Variants in CTIF observed in about 807,000 individuals in gnomAD.
CTIF encodes cap binding complex dependent translation initiation factor.
A neutral mutation model predicts 66.0 loss-of-function variants in CTIF; 21 were observed. The ratio of observed to expected loss-of-function variants is 0.32; its 90% CI spans 0.23 to 0.46. The LOEUF (loss-of-function observed/expected upper bound fraction) is 0.46. Among genes scored for constraint, CTIF ranks in the 20% least tolerant of loss-of-function variants. The pLI is 1.00. For synonymous variants in CTIF, 345 were observed against 326.4 expected (o/e 1.06, Z -0.62); for missense variants, 739 against 812.7 (o/e 0.91, Z 1.10).
chr18:48,835,563 C>A (rs2068790388), intron 10 of CTIF, among the ~76,000 whole-genome samples: 1 of 152,176 alleles, frequency 6.6e-6, no homozygotes, highest in South Asian at 2.1e-4. Context: ...GGGATCCATG[C>A]TCCCAAGAAA....
At chr18:48,675,975 C>A in intron 6 of CTIF, among the ~76,000 whole-genome samples, 1 of 152,170 alleles carries the variant, frequency 6.6e-6, no homozygotes, top group East Asian at 1.9e-4. Context: ...GGGATGAAAT[C>A]CGAATTGCAT....
chr18:48,622,127 G>A (rs2090506160), intron 2 of CTIF, among the ~76,000 whole-genome samples: 1 of 152,212 alleles, frequency 6.6e-6, no homozygotes, highest in African/African-American at 2.4e-5. Context: ...GCACAGGAGT[G>A]ATGATGGTGA....
At chr18:48,628,534 A>G (rs1274054318) in intron 2 of CTIF, among the ~76,000 whole-genome samples, 3 of 152,230 alleles carry the variant, frequency 2.0e-5, no homozygotes, top group Non-Finnish European at 4.4e-5. Context: ...GAGGCCACAC[A>G]GCAAGTACAT....
chr18:48,702,295 C>G (rs948198760), intron 6 of CTIF, among the ~76,000 whole-genome samples: 1 of 152,168 alleles, frequency 6.6e-6, no homozygotes, highest in African/African-American at 2.4e-5. Context: ...CCTCTGGAAC[C>G]GCAGTGCTGT....
intron 1 of CTIF, among the ~76,000 whole-genome samples, chr18:48,540,779 G>A (rs990274470): frequency 6.6e-6 from 1 of 152,102 alleles, no homozygotes. Flanking sequence ...ACAAGCGTGG[G>A]CCCCGATCCT....
intron 6 of CTIF, among the ~76,000 whole-genome samples, chr18:48,676,040 A>G (rs546574145): frequency 6.6e-6 from 1 of 151,704 alleles, no homozygotes; most frequent in Non-Finnish European, 1.5e-5. Context: ...CTCCCCCAGG[A>G]CCCCTTTACT....
intron 2 of CTIF, among the ~76,000 whole-genome samples, chr18:48,631,920 G>A (rs1197932263): frequency 2.0e-5 from 3 of 152,184 alleles, no homozygotes; most frequent in East Asian, 1.9e-4. Flanking sequence ...ACTGAGGAGC[G>A]GGTCTGGAGA....
In CTIF at chr18:48,813,453, A is replaced by T. The variant is rs112166015; in HGVS notation, c.1372-3768A>T. On this transcript the variant is annotated intron_variant, in intron 9 of 11. Coordinates refer to ENST00000256413, the MANE Select transcript of CTIF (RefSeq NM_014772.3). The stretch of plus-strand genomic sequence containing the variant: ...GGCAGGATTTTTGTGTAGATGCCAT[A>T]TTGCTCTGCGCCTCCCTCAATCCTG... Among the ~76,000 whole-genome samples, 3 of 152,076 alleles carry T rather than the reference A, an allele frequency of 2.0e-5. 1 individual carries two copies. Among genetic ancestry groups the T allele is most frequent in the African/African-American group, 7.2e-5 (3 of 41,452 alleles).
chr18:48,752,136 T>G (rs1021276469), intron 7 of CTIF, among the ~76,000 whole-genome samples: 1 of 152,240 alleles, frequency 6.6e-6, no homozygotes, highest in Non-Finnish European at 1.5e-5. Flanking sequence ...CATGAACTTT[T>G]GCCTAGGCTG....
intron 9 of CTIF, among the ~76,000 whole-genome samples, chr18:48,814,443 G>A (rs181407373): frequency 6.6e-6 from 1 of 152,302 alleles, no homozygotes; most frequent in African/African-American, 2.4e-5. Flanking sequence ...GGGCAAGAGC[G>A]TTTAACCCAG....
At chr18:48,593,102 C>A (rs2089921204) in intron 1 of CTIF, among the ~76,000 whole-genome samples, 1 of 152,282 alleles carries the variant, frequency 6.6e-6, no homozygotes, top group East Asian at 1.9e-4. Flanking sequence ...GGCTCTGTAT[C>A]TGGTGGGAGC....
Position 48,677,688 on chromosome 18 carries a change from G to A in CTIF, c.507+6944G>A, listed in dbSNP as rs1271283264. On this transcript the variant is annotated intron_variant, in intron 6 of 11. Coordinates refer to ENST00000256413, the MANE Select transcript of CTIF (RefSeq NM_014772.3). ...CCTCATCACTCAAGAATCGTCACTC[G>A]ATTCTTCCCTGCAGCGCCTGTCGCA... is the stretch of plus-strand genomic sequence containing the variant. Among the ~76,000 whole-genome samples, 3 of 152,242 alleles carry A rather than the reference G, an allele frequency of 2.0e-5. No individual in the cohort carries two copies. The East Asian group carries it at 5.8e-4, about 29-fold the overall frequency.
intron 6 of CTIF, among the ~76,000 whole-genome samples, chr18:48,674,626 A>G (rs1033347390): frequency 3.3e-5 from 5 of 152,186 alleles, no homozygotes; most frequent in Admixed American, 1.3e-4. Context: ...ACAACTGGCA[A>G]TGAATCCAGG....
intron 3 of CTIF, among the ~76,000 whole-genome samples, chr18:48,649,746 A>G (rs1350039996): frequency 6.6e-6 from 1 of 152,144 alleles, no homozygotes; most frequent in African/African-American, 2.4e-5. Flanking sequence ...TCTGGGACAA[A>G]GCTTCCAGAG....
At chr18:48,664,801 C>CA (rs1461134246) in intron 5 of CTIF, among the ~76,000 whole-genome samples, 1 of 152,150 alleles carries the variant, frequency 6.6e-6, no homozygotes, top group East Asian at 1.9e-4. Context: ...CCCTGCTTGT[C>CA]AGTAATCCAC....
At chr18:48,645,312 C>T (rs1261685319) in intron 3 of CTIF, among the ~76,000 whole-genome samples, 1 of 103,586 alleles carries the variant, frequency 9.7e-6, no homozygotes. Flanking sequence ...AAAAGCTGCT[C>T]TCTACAGGAA....
intron 9 of CTIF, among the ~76,000 whole-genome samples, chr18:48,807,744 T>C (rs865999917): frequency 5.9e-5 from 9 of 152,252 alleles, no homozygotes; most frequent in Middle Eastern, 6.8e-3. Context: ...TATGCCCAGC[T>C]AATTTTTTTG....
intron 7 of CTIF, among the ~76,000 whole-genome samples, chr18:48,714,363 T>C (rs2092259322): frequency 6.6e-6 from 1 of 152,146 alleles, no homozygotes; most frequent in African/African-American, 2.4e-5. Flanking sequence ...CCAGCATCTG[T>C]GCCATGCCTC....
intron 4 of CTIF, 89 bp downstream of exon 4, chr18:48,663,914 T>C (rs184269063): frequency 1.7e-6 from 2 of 1,193,990 alleles, no homozygotes; most frequent in Non-Finnish European, 2.5e-6. Flanking sequence ...TGATGGTTCA[T>C]GAGCAAGAGG....
Sources: gnomAD v4.1 joint callset for allele counts (sites outside exome capture counted in the v4.1 genomes callset) on GRCh38, gnomAD v4.1.1 for gene constraint, MANE v1.5 for transcripts, NCBI Gene and HGNC (gene_info 2026-07-23, HGNC 2026-07-21) for gene names.